CPM: variants seen among roughly 807,000 people sequenced by gnomAD.
CPM encodes renal carboxypeptidase.
CPM carries 35 observed loss-of-function variants against 46.4 expected under a neutral mutation model. That is an observed-to-expected ratio of 0.75 (90% CI 0.58 to 1.00). The LOEUF (loss-of-function observed/expected upper bound fraction) is 1.00. Among genes scored for constraint, CPM ranks in the 50% least tolerant of loss-of-function variants. The pLI, the probability that CPM is intolerant of heterozygous loss-of-function variation, is 0.00. For synonymous variants in CPM, 195 were observed against 195.3 expected, an observed-to-expected ratio of 1.00 and a Z score of 0.01; for missense variants, 422 against 530.4, an observed-to-expected ratio of 0.80 and a Z score of 2.01.
At chr12:68,927,328 T>G (rs1266288647) in intron 2 of CPM, among the ~76,000 whole-genome samples, 2 of 151,740 alleles carry the variant, frequency 1.3e-5, no homozygotes, top group African/African-American at 4.8e-5. Flanking sequence ...TGGTGAGCAT[T>G]TTTTCATGTG....
chr12:68,874,722 T>A (rs1321119568), intron 3 of CPM, among the ~76,000 whole-genome samples: 1 of 152,136 alleles, frequency 6.6e-6, no homozygotes, highest in Non-Finnish European at 1.5e-5. Context: ...AGGAGTCCCA[T>A]AGTTCCTTAA....
intron 2 of CPM, among the ~76,000 whole-genome samples, chr12:68,918,618 A>C (rs1480070750): frequency 2.0e-5 from 3 of 152,040 alleles, no homozygotes; most frequent in Non-Finnish European, 2.9e-5. Context: ...AATCTAATCC[A>C]ATCCAATCCA....
chr12:68,895,965 C>T (rs896289198), intron 2 of CPM, among the ~76,000 whole-genome samples: 1 of 152,142 alleles, frequency 6.6e-6, no homozygotes, highest in African/African-American at 2.4e-5. Context: ...ACTGCTTTTC[C>T]TTCAATGACT....
chr12:68,918,657 C>T (rs1174080642), intron 2 of CPM, among the ~76,000 whole-genome samples: 1 of 152,182 alleles, frequency 6.6e-6, no homozygotes, highest in Non-Finnish European at 1.5e-5. Flanking sequence ...CAACCCAACC[C>T]AACCCATTAG....
chr12:68,922,833 A>C (rs1888091713), intron 2 of CPM, among the ~76,000 whole-genome samples: 1 of 152,194 alleles, frequency 6.6e-6, no homozygotes, highest in Non-Finnish European at 1.5e-5. Flanking sequence ...TAACCTCTTC[A>C]CAAACTACTA....
rs886714917 is a variant in CPM at position 68,852,429 on chromosome 12, A to G, written c.*4008T>C. 1 of 152,190 alleles carries G rather than the reference A, an allele frequency of 6.6e-6. No homozygotes were observed. The highest frequency in any genetic ancestry group is 1.5e-5 in the Non-Finnish European group (1 of 68,044). The allele number at this position is 152,190 out of a possible 1,614,324, so 9.4% of individuals were successfully genotyped here. ...CCTGAACAAGCACCAAAAATGTAGC[A>G]TCTCTTACCAGTCACAGAATCACCG... On this transcript the variant is annotated 3_prime_UTR_variant, in exon 9 of 9. Coordinates refer to ENST00000551568, the MANE Select transcript of CPM (RefSeq NM_198320.5).
intron 7 of CPM, among the ~76,000 whole-genome samples, chr12:68,865,031 A>G (rs1885375668): frequency 6.6e-6 from 1 of 152,140 alleles, no homozygotes. Context: ...GATGATAATG[A>G]TAATAATAGT....
At chr12:68,896,967 T>G (rs980177626) in intron 2 of CPM, among the ~76,000 whole-genome samples, 12 of 151,764 alleles carry the variant, frequency 7.9e-5, no homozygotes, top group Admixed American at 7.9e-4. Context: ...ATAAATTTTC[T>G]TTTTTTTCTT....
At chr12:68,897,348 C>T (rs1886916112) in intron 2 of CPM, among the ~76,000 whole-genome samples, 1 of 151,248 alleles carries the variant, frequency 6.6e-6, no homozygotes, top group Non-Finnish European at 1.5e-5. Context: ...CTAGGGACCT[C>T]ATACTATAAA....
At chr12:68,883,578 C>T (rs1291303331) in intron 3 of CPM, among the ~76,000 whole-genome samples, 2 of 152,030 alleles carry the variant, frequency 1.3e-5, no homozygotes, top group Non-Finnish European at 2.9e-5. Context: ...AGCGCACTAG[C>T]GAGCCCTGAT....
chr12:68,890,911 G>A (rs1313867682), intron 2 of CPM, among the ~76,000 whole-genome samples: 4 of 152,214 alleles, frequency 2.6e-5, no homozygotes, highest in South Asian at 2.1e-4. Flanking sequence ...CCAGTTTTTC[G>A]TGAGGCTTGT....
At chr12:68,889,798 G>A (rs929707416) in intron 2 of CPM, among the ~76,000 whole-genome samples, 6 of 152,180 alleles carry the variant, frequency 3.9e-5, no homozygotes, top group African/African-American at 9.7e-5. Context: ...GTCCCAAGGC[G>A]CAAGTCCACT....
At chr12:68,953,970 G>A (rs549450132) in intron 1 of CPM, among the ~76,000 whole-genome samples, 4 of 152,300 alleles carry the variant, frequency 2.6e-5, no homozygotes, top group South Asian at 2.1e-4. Context: ...TCCATCAGGC[G>A]TGAGTTATTC....
intron 3 of CPM, among the ~76,000 whole-genome samples, chr12:68,877,113 T>C (rs886278134): frequency 6.6e-6 from 1 of 152,204 alleles, no homozygotes; most frequent in Non-Finnish European, 1.5e-5. Flanking sequence ...AGCCTAAACA[T>C]GACATTTATC....
chr12:68,866,308 A>G (rs1885440123), intron 7 of CPM, among the ~76,000 whole-genome samples: 1 of 152,016 alleles, frequency 6.6e-6, no homozygotes, highest in East Asian at 1.9e-4. Context: ...AACATGTAAA[A>G]TTAGGGGGAC....
At chr12:68,936,003 T>C (rs1040283751), upstream of CPM, among the ~76,000 whole-genome samples, 1 of 152,058 alleles carries the variant, frequency 6.6e-6, no homozygotes, top group East Asian at 1.9e-4. Flanking sequence ...ATAGTTGAAA[T>C]TGCTGCCATT....
At chr12:68,916,991 T>C (rs1887835583) in intron 2 of CPM, among the ~76,000 whole-genome samples, 1 of 151,956 alleles carries the variant, frequency 6.6e-6, no homozygotes, top group Admixed American at 6.6e-5. Context: ...AACAAATCTG[T>C]CATTTTCCTA....
chr12:68,884,603 A>C (rs1886351838), intron 3 of CPM, among the ~76,000 whole-genome samples: 1 of 152,220 alleles, frequency 6.6e-6, no homozygotes, highest in Non-Finnish European at 1.5e-5. Flanking sequence ...TACTTATTGG[A>C]ATATGTATGT....
In CPM at chr12:68,912,969, T is replaced by C. The variant is rs1887659256; in HGVS notation, c.160+19709A>G. On this transcript the variant is annotated intron_variant, in intron 2 of 8. Coordinates refer to ENST00000551568, the MANE Select transcript of CPM (RefSeq NM_198320.5). ...ATGATCCCAGTGGTGAGGACTGATG[T>C]AGTTACTTGCATGACCTGATCACTT... is the stretch of plus-strand genomic sequence containing the variant. Among the ~76,000 whole-genome samples the C allele has an allele frequency of 2.0e-5, 3 of 152,298 alleles. 1 individual carries two copies. Among genetic ancestry groups the C allele is most frequent in the South Asian group, 4.1e-4 (2 of 4,832 alleles).
Sources: allele counts gnomAD v4.1 joint callset (sites outside exome capture counted in the v4.1 genomes callset), GRCh38; gene constraint gnomAD v4.1.1; transcripts MANE v1.5; gene names NCBI Gene and HGNC (gene_info 2026-07-23, HGNC 2026-07-21).